NTRK3: variants seen among roughly 807,000 people sequenced by gnomAD.
NTRK3 encodes the protein neurotrophic receptor tyrosine kinase 3, also known as NT-3 growth factor receptor.
NTRK3 carries 24 observed loss-of-function variants against 91.7 expected under a neutral mutation model. The ratio of observed to expected loss-of-function variants is 0.26; its 90% CI spans 0.19 to 0.37. The LOEUF is 0.37. Ranked by LOEUF, NTRK3 falls within the 10% of genes least tolerant of loss-of-function variation. NTRK3 has a pLI of 1.00. For synonymous variants in NTRK3, 483 were observed against 404.0 expected, an observed-to-expected ratio of 1.20 and a Z score of -2.34; for missense variants, 880 against 1,068.9, an observed-to-expected ratio of 0.82 and a Z score of 2.46.
At chr15:88,217,560 G>C (rs2049887993) in intron 3 of NTRK3, among the ~76,000 whole-genome samples, 1 of 152,136 alleles carries the variant, frequency 6.6e-6, no homozygotes, top group Non-Finnish European at 1.5e-5. Context: ...CAGATTTCTA[G>C]AGACAGAAAG....
Position 87,982,644 on chromosome 15 carries a change from G to A in NTRK3, c.1586-41891C>T, listed in dbSNP as rs1255774330. On this transcript the variant is annotated intron_variant, in intron 14 of 18. Coordinates refer to ENST00000394480, the Ensembl canonical transcript of NTRK3. The stretch of plus-strand genomic sequence containing the variant: ...GAGGGACACTGTAAATGGAGCTTAG[G>A]GGAGAAGGGGCATTGAGCACCCATA... 2.0e-5 allele frequency among the ~76,000 whole-genome samples: 3 copies of A among 152,166 alleles called. No individual in the cohort carries two copies. In the East Asian group the frequency reaches 5.8e-4, roughly 29 times the overall value.
rs1425782297 is a variant in NTRK3, at chr15:88,082,265, G to A, written c.1396+44006C>T. Among the ~76,000 whole-genome samples the A allele has an allele frequency of 2.0e-5, 3 of 147,566 alleles. No individual in the cohort carries two copies. The East Asian group carries it at 6.0e-4, about 29-fold the overall frequency. ...TGCACTCCAGCCTGGGTGACAAAGTGAGACTCTGTCTCAAAAAAAAAAAAA... is the reference window on the plus strand; with the variant it reads ...TGCACTCCAGCCTGGGTGACAAAGTAAGACTCTGTCTCAAAAAAAAAAAAA... On this transcript the variant is annotated intron_variant, in intron 13 of 18. Coordinates refer to ENST00000394480, the Ensembl canonical transcript of NTRK3.
At chr15:87,992,501 C>G (rs561410030) in intron 14 of NTRK3, among the ~76,000 whole-genome samples, 32 of 152,192 alleles carry the variant, frequency 2.1e-4, no homozygotes, top group Non-Finnish European at 3.7e-4. Flanking sequence ...CTGTTTCAGA[C>G]GCATACACTA....
intron 14 of NTRK3, among the ~76,000 whole-genome samples, chr15:87,997,309 G>A (rs916314326): frequency 1.3e-5 from 2 of 152,154 alleles, no homozygotes; most frequent in East Asian, 1.9e-4. Flanking sequence ...CAAGACAGCC[G>A]TGAGTGTCCT....
At chr15:88,167,271 G>T (rs975823719) in intron 5 of NTRK3, among the ~76,000 whole-genome samples, 4 of 152,190 alleles carry the variant, frequency 2.6e-5, no homozygotes, top group Non-Finnish European at 5.9e-5. Context: ...GAAACTAAAA[G>T]AGACAGTAAG....
At chr15:88,052,642 G>A (rs776263406) in intron 13 of NTRK3, among the ~76,000 whole-genome samples, 1 of 152,184 alleles carries the variant, frequency 6.6e-6, no homozygotes, top group Non-Finnish European at 1.5e-5. Flanking sequence ...GGAGTTAATA[G>A]ATTTATTATA....
chr15:87,979,275 G>C, intron 14 of NTRK3: 1 of 1,123,670 alleles, frequency 8.9e-7, no homozygotes, highest in Non-Finnish European at 1.4e-6. Flanking sequence ...ACAATGCCTA[G>C]AGCTTCCAAC....
At chr15:87,898,297 C>T (rs1338638510) in intron 17 of NTRK3, among the ~76,000 whole-genome samples, 2 of 152,154 alleles carry the variant, frequency 1.3e-5, no homozygotes, top group Non-Finnish European at 2.9e-5. Context: ...AATCTATTGC[C>T]GCACTCCAAG....
rs1054552401 is a variant in NTRK3 at position 88,255,804 on chromosome 15, G to A, written c.248+102C>T. 2.9e-6 allele frequency: 3 copies of A among 1,017,372 alleles called. No homozygotes were observed. The highest frequency in any genetic ancestry group is 2.6e-6 in the Non-Finnish European group (2 of 767,216). 63.0% of individuals were successfully genotyped at this position (1,017,372 alleles called of 1,614,324 possible). A position where few individuals can be genotyped will look rare whatever the true frequency, so the allele number is the denominator to read the frequency against. ...GCGCGCCCAGCGGGCGGCGGGCAGC[G>A]GCGAGCTGGGGCGGGCGGAGGGCCG... On this transcript the variant is annotated intron_variant, in intron 3 of 18. Coordinates refer to ENST00000394480, the Ensembl canonical transcript of NTRK3. This position sits in a 1 kb window ranked among gnomAD's most constrained non-coding sequence, Gnocchi z 4.3.
chr15:88,093,700 C>T (rs1045926882), intron 13 of NTRK3, among the ~76,000 whole-genome samples: 4 of 152,180 alleles, frequency 2.6e-5, no homozygotes, highest in African/African-American at 9.7e-5. Context: ...TGGGCATAAT[C>T]TGCCATGAGC....
rs35011403 is a variant in NTRK3 at position 87,886,676 on chromosome 15, C to CTATATATATATATATATATATATATA, written c.2134-6249_2134-6248insTATATATATATATATATATATATATA. Among the ~76,000 whole-genome samples, 56 of 101,162 alleles carry CTATATATATATATATATATATATATA rather than the reference C, an allele frequency of 5.5e-4. 1 individual carries two copies. The highest frequency in any genetic ancestry group is 2.0e-3 in the African/African-American group (50 of 24,510). The allele number at this position is 101,162 out of a possible 152,430, so 66.4% of individuals were successfully genotyped here. On this transcript the variant is annotated intron_variant, in intron 17 of 18. Coordinates refer to ENST00000394480, the Ensembl canonical transcript of NTRK3. ...CCAAAGAGAAAAATCCCACTTTTTG[C>CTATATATATATATATATATATATATA]TATATATATATATATATATATATAC...
At chr15:88,133,069 C>G (rs939115022) in intron 10 of NTRK3, among the ~76,000 whole-genome samples, 1 of 152,098 alleles carries the variant, frequency 6.6e-6, no homozygotes, top group African/African-American at 2.4e-5. Flanking sequence ...TCTCTGATTC[C>G]GTAGATGTGA....
chr15:88,031,672 C>G (rs1028064474), intron 14 of NTRK3, among the ~76,000 whole-genome samples: 1 of 152,104 alleles, frequency 6.6e-6, no homozygotes, highest in South Asian at 2.1e-4. Context: ...CTGACTCAAG[C>G]CCACTCCCTC....
At chr15:88,003,883 A>C (rs900010957) in intron 14 of NTRK3, among the ~76,000 whole-genome samples, 7 of 151,284 alleles carry the variant, frequency 4.6e-5, no homozygotes, top group Non-Finnish European at 1.0e-4. Context: ...TTAAGATGGA[A>C]GTCTCCATGG....
At chr15:87,968,187 G>A (rs934212534) in intron 14 of NTRK3, among the ~76,000 whole-genome samples, 1 of 152,170 alleles carries the variant, frequency 6.6e-6, no homozygotes, top group Non-Finnish European at 1.5e-5. Flanking sequence ...TGGAATGTGT[G>A]TGTATACTTG....
At chr15:88,078,821 T>G (rs995816611) in intron 13 of NTRK3, among the ~76,000 whole-genome samples, 2 of 152,214 alleles carry the variant, frequency 1.3e-5, no homozygotes, top group Non-Finnish European at 2.9e-5. Context: ...TAAGGGAAGA[T>G]GTTCTTCTAT....
At chr15:88,082,017 G>T (rs533175506) in intron 13 of NTRK3, among the ~76,000 whole-genome samples, 1 of 152,182 alleles carries the variant, frequency 6.6e-6, no homozygotes, top group Admixed American at 6.5e-5. Context: ...ACTCTAAAAG[G>T]TTCACCTCCA....
At chr15:88,239,227 C>T (rs571335065) in intron 3 of NTRK3, among the ~76,000 whole-genome samples, 15 of 151,398 alleles carry the variant, frequency 9.9e-5, no homozygotes, top group Non-Finnish European at 1.8e-4. Context: ...GGCCGGATCA[C>T]GAGACTGAGA....
intron 5 of NTRK3, among the ~76,000 whole-genome samples, chr15:88,157,066 C>A (rs934488762): frequency 1.3e-5 from 2 of 152,128 alleles, no homozygotes; most frequent in Non-Finnish European, 1.5e-5. Flanking sequence ...TTCTGCTCCT[C>A]CCACTGCCCT....
Sources: gnomAD v4.1 joint callset for allele counts (sites outside exome capture counted in the v4.1 genomes callset) on GRCh38, gnomAD v4.1.1 for gene constraint, Gnocchi (gnomAD v3.1) non-coding constraint, MANE v1.5 for transcripts, NCBI Gene and HGNC (gene_info 2026-07-23, HGNC 2026-07-21) for gene names.